KIRREL3: variants seen among roughly 807,000 people sequenced by gnomAD.
The protein encoded by KIRREL3 is kirre like nephrin family adhesion molecule 3, also known as kin of IRRE-like protein 3.
KIRREL3 carries 36 observed loss-of-function variants against 89.7 expected under a neutral mutation model. The observed-to-expected ratio is 0.40, with a 90% CI of 0.31 to 0.53. The LOEUF is 0.53. KIRREL3 is among the 20% of genes least tolerant of loss of function. KIRREL3 has a pLI of 0.49. For synonymous variants in KIRREL3, 445 were observed against 441.4 expected, an observed-to-expected ratio of 1.01 and a Z score of -0.10; for missense variants, 864 against 1,056.6, an observed-to-expected ratio of 0.82 and a Z score of 2.53.
rs1469891766 is a variant in KIRREL3 at position 126,953,323 on chromosome 11, G to C, written c.55+47132C>G. On this transcript the variant is annotated intron_variant, in intron 1 of 16. Coordinates refer to ENST00000525144, the MANE Select transcript of KIRREL3 (RefSeq NM_032531.4). This position sits in a 1 kb window ranked among gnomAD's most constrained non-coding sequence, Gnocchi z 5.2. ...ACAGGGAGGGGACATCATACACCGG[G>C]GCTTGTTGTGGGGTGGGGGGCTAGG... Among the ~76,000 whole-genome samples the C allele has an allele frequency of 2.0e-5, 3 of 151,944 alleles. No homozygotes were observed. The highest frequency in any genetic ancestry group is 7.3e-5 in the African/African-American group (3 of 41,356).
rs1403233817 is a variant in KIRREL3, at chr11:126,639,908, G to A, written c.56-76996C>T. 1.3e-5 allele frequency among the ~76,000 whole-genome samples: 2 copies of A among 152,142 alleles called. No individual in the cohort carries two copies. The highest frequency in any genetic ancestry group is 3.8e-4 in the East Asian group (2 of 5,198). On this transcript the variant is annotated intron_variant, in intron 1 of 16. Transcript: ENST00000525144. The surrounding 1 kb of genome is among the most constrained non-coding windows in gnomAD (Gnocchi z 4.3). ...CCAATCTGGCTTGTAGAATAGAAAG[G>A]CCACTTGCTTAATTGGGAACACTTT...
rs529057679 is a variant in KIRREL3 at position 126,465,942 on chromosome 11, G to C, written c.592-2635C>G. Reference sequence around the variant, plus strand: ...CGGGTAGGGCGCGCAGGGGCGGGGAGGTGGTGAGGAGCAGGTTGGTATTCT... The same window carrying C: ...CGGGTAGGGCGCGCAGGGGCGGGGACGTGGTGAGGAGCAGGTTGGTATTCT... On this transcript the variant is annotated intron_variant, in intron 5 of 16. Coordinates refer to ENST00000525144, the MANE Select transcript of KIRREL3 (RefSeq NM_032531.4). Among the ~76,000 whole-genome samples, 4 of 152,310 alleles carry C rather than the reference G, an allele frequency of 2.6e-5. No individual in the cohort carries two copies. In the East Asian group the frequency reaches 5.8e-4, roughly 22 times the overall value.
intron 1 of KIRREL3, among the ~76,000 whole-genome samples, chr11:126,871,789 G>A (rs139304391): frequency 1.3e-5 from 2 of 152,302 alleles, no homozygotes; most frequent in Non-Finnish European, 2.9e-5. Context: ...CCTGAGTCTG[G>A]CACTGAAACC....
Position 126,705,059 on chromosome 11 carries a change from T to C in KIRREL3, c.56-142147A>G, listed in dbSNP as rs1460333895. 1.3e-5 allele frequency among the ~76,000 whole-genome samples: 2 copies of C among 152,246 alleles called. No homozygotes were observed. Among genetic ancestry groups the C allele is most frequent in the Non-Finnish European group, 2.9e-5 (2 of 68,046 alleles). On this transcript the variant is annotated intron_variant, in intron 1 of 16. Transcript: ENST00000525144. The surrounding 1 kb of genome is among the most constrained non-coding windows in gnomAD (Gnocchi z 4.3). ...CTTACCCACTGAATATAGCTTTTTA[T>C]GGCTCAAGACATAGGTTTGGTTTTC...
rs566121958 is a variant in KIRREL3 at position 126,429,553 on chromosome 11, G to A, written c.1697-265C>T. On this transcript the variant is annotated intron_variant, in intron 14 of 16. Transcript: ENST00000525144. The surrounding 1 kb of genome is among the most constrained non-coding windows in gnomAD (Gnocchi z 5.2). ...CCATGCACCCTTGGCTTGAAAGATC[G>A]TCTTCAGCCACTTGTCCGCCTTACT... Among the ~76,000 whole-genome samples the A allele has an allele frequency of 2.0e-4, 31 of 152,276 alleles. 1 individual carries two copies. The South Asian group carries it at 2.3e-3, about 11-fold the overall frequency.
chr11:126,864,601 A>C (rs543392606), intron 1 of KIRREL3, among the ~76,000 whole-genome samples: 59 of 152,210 alleles, frequency 3.9e-4, no homozygotes, highest in Non-Finnish European at 6.3e-4. Flanking sequence ...CTCCAGTCTG[A>C]ATTAAGCATC....
At chr11:126,717,690 A>G (rs1565674326) in intron 1 of KIRREL3, among the ~76,000 whole-genome samples, 1 of 152,214 alleles carries the variant, frequency 6.6e-6, no homozygotes, top group Non-Finnish European at 1.5e-5. Context: ...AGCTTCCATC[A>G]GTGCTATTCT....
intron 1 of KIRREL3, among the ~76,000 whole-genome samples, chr11:126,672,387 A>T (rs1455745195): frequency 6.6e-6 from 1 of 152,256 alleles, no homozygotes; most frequent in African/African-American, 2.4e-5. Context: ...ATAGTGGGAT[A>T]CTATTCGGCA....
Position 126,747,741 on chromosome 11 carries a change from A to C in KIRREL3, c.56-184829T>G, listed in dbSNP as rs1419116896. ...ACAGAGTAAGCACTCAGCGCCGTGAATGAAGGAATGGGGTGAGGGAACGAC... is the reference window on the plus strand; with the variant it reads ...ACAGAGTAAGCACTCAGCGCCGTGACTGAAGGAATGGGGTGAGGGAACGAC... On this transcript the variant is annotated intron_variant, in intron 1 of 16. Transcript: ENST00000525144. The surrounding 1 kb of genome is among the most constrained non-coding windows in gnomAD (Gnocchi z 4.7). Among the ~76,000 whole-genome samples the C allele has an allele frequency of 6.6e-6, 1 of 152,152 alleles. No individual in the cohort carries two copies. Among genetic ancestry groups the C allele is most frequent in the Non-Finnish European group, 1.5e-5 (1 of 68,016 alleles).
chr11:126,493,523 T>C (rs574537880), intron 4 of KIRREL3, among the ~76,000 whole-genome samples: 21 of 151,756 alleles, frequency 1.4e-4, no homozygotes, highest in Non-Finnish European at 2.8e-4. Flanking sequence ...GGTGTGGTGG[T>C]GGGTGCCTGT....
In KIRREL3 at chr11:126,620,545, A is replaced by C. The variant is rs1011217880; in HGVS notation, c.56-57633T>G. Among the ~76,000 whole-genome samples the C allele has an allele frequency of 3.9e-5, 6 of 152,322 alleles. No individual in the cohort carries two copies. The South Asian group carries it at 6.2e-4, about 16-fold the overall frequency. On this transcript the variant is annotated intron_variant, in intron 1 of 16. Transcript: ENST00000525144. This position sits in a 1 kb window ranked among gnomAD's most constrained non-coding sequence, Gnocchi z 4.8. ...GGGTGCCTGTGCATGTGTGTTGTGT[A>C]TGCATTTCTAGGAGGAGAGTCCATA... is the stretch of plus-strand genomic sequence containing the variant.
intron 1 of KIRREL3, among the ~76,000 whole-genome samples, chr11:126,701,547 G>C (rs1424494785): frequency 1.3e-5 from 2 of 152,174 alleles, no homozygotes; most frequent in Non-Finnish European, 2.9e-5. Flanking sequence ...TCCTTGGAAA[G>C]TCACTGGGTT....
At chr11:126,781,834 A>T (rs1950335295) in intron 1 of KIRREL3, among the ~76,000 whole-genome samples, 1 of 152,226 alleles carries the variant, frequency 6.6e-6, no homozygotes, top group South Asian at 2.1e-4. Flanking sequence ...ATCATCAAAA[A>T]TGACCTTATT....
intron 1 of KIRREL3, among the ~76,000 whole-genome samples, chr11:126,663,562 C>A (rs1945520213): frequency 6.6e-6 from 1 of 152,154 alleles, no homozygotes; most frequent in South Asian, 2.1e-4. Context: ...GGAGAGGGAT[C>A]CACTTGTCAT....
chr11:126,500,024 C>G (rs1011456048), intron 4 of KIRREL3, among the ~76,000 whole-genome samples: 2 of 152,132 alleles, frequency 1.3e-5, no homozygotes, highest in African/African-American at 4.8e-5. Context: ...GAAGGATAAA[C>G]GAGTGAATGT....
chr11:126,848,918 C>T (rs1944241174), intron 1 of KIRREL3, among the ~76,000 whole-genome samples: 1 of 152,182 alleles, frequency 6.6e-6, no homozygotes, highest in South Asian at 2.1e-4. Flanking sequence ...GATGGATCTT[C>T]GTTCCTCTAC....
intron 1 of KIRREL3, among the ~76,000 whole-genome samples, chr11:126,644,834 T>C (rs534215505): frequency 6.6e-6 from 1 of 152,312 alleles, no homozygotes; most frequent in South Asian, 2.1e-4. Flanking sequence ...TCTATAGATG[T>C]ACAAAGCTAG....
rs950747091 is a variant in KIRREL3, at chr11:126,860,467, C to T, written c.55+139988G>A. ...GAATGAAGAAGGGAGGAAGAGCATT[C>T]CAGGCAGAAGGAAGAGTTTGAGCAA... On this transcript the variant is annotated intron_variant, in intron 1 of 16. Transcript: ENST00000525144. This position sits in a 1 kb window ranked among gnomAD's most constrained non-coding sequence, Gnocchi z 4.6. Among the ~76,000 whole-genome samples, 1 of 152,042 alleles carries T rather than the reference C, an allele frequency of 6.6e-6. No homozygotes were observed. The highest frequency in any genetic ancestry group is 1.5e-5 in the Non-Finnish European group (1 of 68,016).
chr11:126,429,509 C>G lies in KIRREL3; in HGVS notation c.1697-221G>C, dbSNP rs1399754103. 2.6e-5 allele frequency among the ~76,000 whole-genome samples: 4 copies of G among 152,216 alleles called. No individual in the cohort carries two copies. In the South Asian group the frequency reaches 8.3e-4, roughly 31 times the overall value. ...GGCTGACCCCATGGCCGGCCTGCCTCCTGTCACATGCCCCTCAGCCATGCA... is the reference window on the plus strand; with the variant it reads ...GGCTGACCCCATGGCCGGCCTGCCTGCTGTCACATGCCCCTCAGCCATGCA... On this transcript the variant is annotated intron_variant, in intron 14 of 16. Transcript: ENST00000525144. The surrounding 1 kb of genome is among the most constrained non-coding windows in gnomAD (Gnocchi z 5.2).
Sources: gnomAD v4.1 joint callset for allele counts (sites outside exome capture counted in the v4.1 genomes callset) on GRCh38, gnomAD v4.1.1 for gene constraint, Gnocchi (gnomAD v3.1) non-coding constraint, MANE v1.5 for transcripts, NCBI Gene and HGNC (gene_info 2026-07-23, HGNC 2026-07-21) for gene names.